Variants in GALNTL6 observed in about 807,000 individuals in gnomAD.
The protein encoded by GALNTL6 is polypeptide N-acetylgalactosaminyltransferase like 6, also known as polypeptide N-acetylgalactosaminyltransferase-like 6.
A neutral mutation model predicts 73.7 loss-of-function variants in GALNTL6; 46 were observed. That is an observed-to-expected ratio of 0.62 (90% CI 0.49 to 0.80). The LOEUF is 0.80. Among genes scored for constraint, GALNTL6 ranks in the 30% least tolerant of loss-of-function variants. The probability of loss-of-function intolerance (pLI) is 0.00; values close to 1 mark genes in which losing one functional copy is unlikely to be tolerated. For missense variants in GALNTL6, 604 were observed against 755.0 expected, an observed-to-expected ratio of 0.80 and a Z score of 2.34; for synonymous variants, 259 against 263.7, an observed-to-expected ratio of 0.98 and a Z score of 0.17.
intron 5 of GALNTL6, among the ~76,000 whole-genome samples, chr4:172,594,658 T>A (rs1230156695): frequency 6.6e-6 from 1 of 152,202 alleles, no homozygotes; most frequent in Non-Finnish European, 1.5e-5. Flanking sequence ...CTATTTTATT[T>A]AGTATATCCT....
chr4:172,715,869 C>T (rs1036785695), intron 5 of GALNTL6, among the ~76,000 whole-genome samples: 2 of 152,138 alleles, frequency 1.3e-5, no homozygotes, highest in African/African-American at 4.8e-5. Flanking sequence ...GTGAGTTAAT[C>T]CAAACAAACT....
At chr4:172,264,057 T>TG (rs113054452) in intron 3 of GALNTL6, among the ~76,000 whole-genome samples, 6,289 of 151,432 alleles carry the variant, frequency 0.042, 432 homozygotes, top group African/African-American at 0.14. Context: ...TTTTGGCAGC[T>TG]GGGGGGGTGT....
intron 3 of GALNTL6, among the ~76,000 whole-genome samples, chr4:172,293,763 A>C (rs185299759): frequency 1.3e-5 from 2 of 151,592 alleles, no homozygotes; most frequent in African/African-American, 4.8e-5. Flanking sequence ...AACATTTTGC[A>C]TAAATTAAAC....
At chr4:172,191,441 T>A (rs575701017) in intron 2 of GALNTL6, among the ~76,000 whole-genome samples, 12 of 152,268 alleles carry the variant, frequency 7.9e-5, no homozygotes, top group Middle Eastern at 3.4e-3. Flanking sequence ...AGGTGGTCAT[T>A]AGCTCTTTGC....
chr4:172,898,949 G>GA (rs569708657), intron 8 of GALNTL6, among the ~76,000 whole-genome samples: 58 of 152,332 alleles, frequency 3.8e-4, no homozygotes, highest in African/African-American at 1.3e-3. Context: ...AAAGCACTGT[G>GA]AAAATCCCTG....
chr4:172,801,624 C>T (rs1740646761), intron 5 of GALNTL6, among the ~76,000 whole-genome samples: 2 of 152,160 alleles, frequency 1.3e-5, no homozygotes, highest in African/African-American at 2.4e-5. Flanking sequence ...AGGTCTGGGG[C>T]TGTTTACTAC....
intron 5 of GALNTL6, among the ~76,000 whole-genome samples, chr4:172,559,058 ATTTTTT>A (rs71592081): frequency 3.4e-4 from 26 of 77,384 alleles, no homozygotes; most frequent in African/African-American, 1.2e-3. Context: ...ATGATAATGG[ATTTTTT>A]TTTTTTTTTT....
intron 2 of GALNTL6, among the ~76,000 whole-genome samples, chr4:172,209,273 TCCATGACA>T (rs1240859365): frequency 7.2e-5 from 11 of 152,150 alleles, no homozygotes; most frequent in African/African-American, 2.4e-4. Context: ...CTGGAAATTA[TCCATGACA>T]AGCTCAGTGT....
intron 2 of GALNTL6, among the ~76,000 whole-genome samples, chr4:172,042,864 T>A (rs867440369): frequency 5.9e-4 from 26 of 44,400 alleles, no homozygotes; most frequent in South Asian, 2.0e-3. Context: ...TCTTTAACAG[T>A]AAAAAAAAAA....
chr4:171,860,683 A>T (rs888335304), intron 2 of GALNTL6, among the ~76,000 whole-genome samples: 1 of 152,148 alleles, frequency 6.6e-6, no homozygotes, highest in African/African-American at 2.4e-5. Context: ...CAGGGTGTTG[A>T]TTTTATTTGA....
intron 7 of GALNTL6, among the ~76,000 whole-genome samples, chr4:172,859,804 G>A (rs147376153): frequency 6.6e-6 from 1 of 152,248 alleles, no homozygotes; most frequent in Non-Finnish European, 1.5e-5. Flanking sequence ...TCATAGGAGT[G>A]TGAACCCTAT....
At chr4:172,487,358 C>CT (rs202020229) in intron 5 of GALNTL6, among the ~76,000 whole-genome samples, 15 of 98,506 alleles carry the variant, frequency 1.5e-4, no homozygotes, top group African/African-American at 5.2e-4. Flanking sequence ...TTCTTTCTTT[C>CT]CTTCTTTCCT....
intron 2 of GALNTL6, among the ~76,000 whole-genome samples, chr4:171,816,706 A>C (rs947656540): frequency 6.6e-6 from 1 of 152,030 alleles, no homozygotes; most frequent in Admixed American, 6.5e-5. Flanking sequence ...TAAAATTTAA[A>C]AGGTAAAAAT....
intron 5 of GALNTL6, among the ~76,000 whole-genome samples, chr4:172,619,572 T>C (rs901187053): frequency 2.0e-5 from 3 of 152,232 alleles, no homozygotes; most frequent in Non-Finnish European, 4.4e-5. Context: ...TTTGGAACTT[T>C]GTCATATGCT....
chr4:172,077,803 T>C (rs1021730106), intron 2 of GALNTL6, among the ~76,000 whole-genome samples: 5 of 152,124 alleles, frequency 3.3e-5, no homozygotes. Flanking sequence ...GGAAAATCTC[T>C]CTAGGGCATT....
chr4:172,651,269 C>T (rs570011096), intron 5 of GALNTL6, among the ~76,000 whole-genome samples: 1 of 152,248 alleles, frequency 6.6e-6, no homozygotes, highest in South Asian at 2.1e-4. Context: ...CTTAATTATA[C>T]TTGTAATGAG....
chr4:172,853,661 C>A (rs534982998), intron 7 of GALNTL6, among the ~76,000 whole-genome samples: 2 of 152,322 alleles, frequency 1.3e-5, no homozygotes, highest in South Asian at 4.1e-4. Context: ...GACTGACTAG[C>A]TAATCAGATC....
chr4:172,952,068 A>C lies in GALNTL6; in HGVS notation c.1181A>C (p.Asp394Ala). The C allele has an allele frequency of 6.2e-7, 1 of 1,613,950 alleles. No homozygotes were observed. The highest frequency in any genetic ancestry group is 1.1e-5 in the South Asian group (1 of 91,058). The change falls in exon 10 of 13, where the codon GAT becomes GCT. Residue 394 changes from aspartate (D) to alanine (A), a missense_variant. Around this residue, in one of 5 missense-constraint regions of GALNTL6, gnomAD observed 261 missense variants for 296.5 expected, o/e 0.88. Coordinates refer to ENST00000506823, the MANE Select transcript of GALNTL6 (RefSeq NM_001034845.3). The stretch of plus-strand genomic sequence containing the variant: ...AAGCGGGTAGCTGAGACCTGGATGG[A>C]TGAATTTGCCGAGTACATTTACCAG... ...NLKRVAETWM[D>A]EFAEYIYQRR... is the part of the protein sequence containing the mutation.
intron 8 of GALNTL6, among the ~76,000 whole-genome samples, chr4:172,928,159 G>A (rs780756530): frequency 2.6e-5 from 4 of 152,172 alleles, no homozygotes; most frequent in Non-Finnish European, 5.9e-5. Context: ...GATTTGAGGA[G>A]TTCCAAAAGA....
Sources: allele counts gnomAD v4.1 joint callset (sites outside exome capture counted in the v4.1 genomes callset), GRCh38; gene constraint gnomAD v4.1.1; regional missense constraint gnomAD v4.1.1; transcripts MANE v1.5; gene names NCBI Gene and HGNC (gene_info 2026-07-23, HGNC 2026-07-21).